FTCDNL1: variants seen among roughly 807,000 people sequenced by gnomAD.
The protein encoded by FTCDNL1 is formiminotransferase N-terminal subdomain-containing protein.
Under a neutral mutation model 5.9 loss-of-function variants are expected in FTCDNL1, and 11 were observed. The observed-to-expected ratio is 1.87, with a 90% CI of 1.18 to 3.10. FTCDNL1 has a LOEUF of 3.10. FTCDNL1 is among the 30% of genes most tolerant of loss of function. The pLI, the probability that FTCDNL1 is intolerant of heterozygous loss-of-function variation, is 0.00. For synonymous variants in FTCDNL1, 58 were observed against 24.8 expected, an observed-to-expected ratio of 2.34 and a Z score of -3.99; for missense variants, 115 against 65.5, an observed-to-expected ratio of 1.76 and a Z score of -2.61.
the FTCDNL1 span, among the ~76,000 whole-genome samples, chr2:199,692,040 G>A: frequency 3.9e-5 from 6 of 152,174 alleles, no homozygotes; most frequent in Non-Finnish European, 5.9e-5. Context: ...CTTAAAATGC[G>A]GAACACACTA....
At chr2:199,801,948 A>C (rs1486772904) in intron 3 of FTCDNL1, among the ~76,000 whole-genome samples, 5 of 151,972 alleles carry the variant, frequency 3.3e-5, no homozygotes, top group African/African-American at 9.7e-5. Flanking sequence ...AAAAAAAAAA[A>C]AAAAGGAATA....
At chr2:199,717,540 T>G in the FTCDNL1 span, among the ~76,000 whole-genome samples, 2 of 129,260 alleles carry the variant, frequency 1.5e-5, no homozygotes, top group Non-Finnish European at 3.3e-5. Flanking sequence ...TTTTTTTGCT[T>G]CCTCACATCT....
intron 3 of FTCDNL1, among the ~76,000 whole-genome samples, chr2:199,793,827 C>T (rs1188537339): frequency 6.6e-6 from 1 of 152,184 alleles, no homozygotes; most frequent in Non-Finnish European, 1.5e-5. Context: ...TTGCATTAAA[C>T]TTTAGTTTCT....
At chr2:199,715,560 A>G in the FTCDNL1 span, among the ~76,000 whole-genome samples, 2 of 152,198 alleles carry the variant, frequency 1.3e-5, no homozygotes, top group African/African-American at 4.8e-5. Context: ...AAGTCCATCA[A>G]ACTTCTTTTT....
Position 199,811,536 on chromosome 2 carries a change from G to A in FTCDNL1, c.*1169C>T, listed in dbSNP as rs1366802341. ...CAGGCCTGTAGTGCTTCACCATTAC[G>A]CTTTGCTGTCCCATAGCTTTGATAT... On this transcript the variant is annotated 3_prime_UTR_variant, in exon 5 of 5. Coordinates refer to ENST00000420128, the MANE Select transcript of FTCDNL1 (RefSeq NM_001363886.2). Among the ~76,000 whole-genome samples, 1 of 152,156 alleles carries A rather than the reference G, an allele frequency of 6.6e-6. No individual in the cohort carries two copies. The highest frequency in any genetic ancestry group is 1.5e-5 in the Non-Finnish European group (1 of 68,032).
chr2:199,798,021 T>C (rs949774850), intron 3 of FTCDNL1, among the ~76,000 whole-genome samples: 1 of 152,216 alleles, frequency 6.6e-6, no homozygotes, highest in Non-Finnish European at 1.5e-5. Context: ...TCGAGTCATT[T>C]GATGTCTGTC....
chr2:199,664,679 G>A, the FTCDNL1 span, among the ~76,000 whole-genome samples: 1 of 152,224 alleles, frequency 6.6e-6, no homozygotes, highest in East Asian at 1.9e-4. Context: ...AGGAAACTGA[G>A]TCCCCAAAAA....
the FTCDNL1 span, among the ~76,000 whole-genome samples, chr2:199,751,131 G>A: frequency 3.3e-5 from 5 of 152,216 alleles, no homozygotes; most frequent in Admixed American, 2.0e-4. Context: ...ACCTCCCTTC[G>A]CCTCTGTCTC....
At chr2:199,711,704 A>G in the FTCDNL1 span, among the ~76,000 whole-genome samples, 1 of 152,190 alleles carries the variant, frequency 6.6e-6, no homozygotes, top group Non-Finnish European at 1.5e-5. Flanking sequence ...TGTTGAAAAA[A>G]GGCTATAGAA....
intron 4 of FTCDNL1, among the ~76,000 whole-genome samples, chr2:199,817,613 C>A (rs1177403691): frequency 2.6e-5 from 4 of 151,902 alleles, no homozygotes; most frequent in African/African-American, 9.7e-5. Context: ...CATGGTGAAA[C>A]CCTGTCTCTA....
chr2:199,742,702 A>G, the FTCDNL1 span, among the ~76,000 whole-genome samples: 1 of 152,236 alleles, frequency 6.6e-6, no homozygotes, highest in Non-Finnish European at 1.5e-5. Context: ...ATAGAAATGA[A>G]GTCATTTGCT....
intron 3 of FTCDNL1, among the ~76,000 whole-genome samples, chr2:199,843,061 G>C (rs1389665160): frequency 6.6e-6 from 1 of 152,092 alleles, no homozygotes; most frequent in Non-Finnish European, 1.5e-5. Context: ...GTACAGTATA[G>C]GACTGTTTTT....
downstream of FTCDNL1, among the ~76,000 whole-genome samples, chr2:199,759,355 C>CT (rs1351935037): frequency 3.6e-3 from 537 of 149,864 alleles, 10 homozygotes; most frequent in African/African-American, 0.013. Context: ...ATTTGTCTTC[C>CT]TTTTTTTTTA....
chr2:199,843,980 G>A (rs1307913464), intron 3 of FTCDNL1, among the ~76,000 whole-genome samples: 9 of 151,964 alleles, frequency 5.9e-5, no homozygotes, highest in African/African-American at 9.7e-5. Flanking sequence ...GGAAAAAGGG[G>A]TAAGAGTTAA....
chr2:199,727,856 C>T, the FTCDNL1 span, among the ~76,000 whole-genome samples: 1 of 152,160 alleles, frequency 6.6e-6, no homozygotes, highest in African/African-American at 2.4e-5. Flanking sequence ...AAAGGCAACC[C>T]ATTTAAATCA....
At chr2:199,819,276 C>T in intron 4 of FTCDNL1, 1 of 356,868 alleles carries the variant, frequency 2.8e-6, no homozygotes, top group Non-Finnish European at 5.2e-6. Context: ...AGGACCCTGC[C>T]CCAGTGCCAG....
At chr2:199,741,986 A>G in the FTCDNL1 span, among the ~76,000 whole-genome samples, 2 of 152,166 alleles carry the variant, frequency 1.3e-5, no homozygotes, top group East Asian at 3.9e-4. Context: ...TGGGCTTTTC[A>G]TAAACCAATA....
chr2:199,700,504 A>C, the FTCDNL1 span, among the ~76,000 whole-genome samples: 8 of 152,110 alleles, frequency 5.3e-5, no homozygotes, highest in Non-Finnish European at 2.9e-5. Context: ...CAATGCTATC[A>C]AACTGCCAAC....
chr2:199,766,657 G>A (rs1226044587), intron 3 of FTCDNL1, among the ~76,000 whole-genome samples: 1 of 152,156 alleles, frequency 6.6e-6, no homozygotes, highest in African/African-American at 2.4e-5. Flanking sequence ...GACAGATCAG[G>A]TAGCTATGTA....
Sources: allele counts gnomAD v4.1 joint callset (sites outside exome capture counted in the v4.1 genomes callset), GRCh38; gene constraint gnomAD v4.1.1; transcripts MANE v1.5; gene names NCBI Gene and HGNC (gene_info 2026-07-23, HGNC 2026-07-21).